Variants in EML4 observed in about 807,000 individuals in gnomAD.
EML4 encodes echinoderm microtubule-associated protein-like 4.
EML4 carries 72 observed loss-of-function variants against 129.0 expected under a neutral mutation model. That is an observed-to-expected ratio of 0.56 (90% confidence interval 0.46 to 0.68). The LOEUF is 0.68. Ranked by LOEUF, EML4 falls within the 30% of genes least tolerant of loss-of-function variation. The pLI is 0.00. For missense variants in EML4, 1,363 were observed against 1,190.6 expected, an observed-to-expected ratio of 1.14 and a Z score of -2.13; for synonymous variants, 532 against 405.0, an observed-to-expected ratio of 1.31 and a Z score of -3.77.
At chr2:42,223,127 T>A (rs1673723614) in intron 1 of EML4, among the ~76,000 whole-genome samples, 1 of 152,108 alleles carries the variant, frequency 6.6e-6, no homozygotes, top group Admixed American at 6.5e-5. Context: ...TTTTAATAGC[T>A]GCACAGATTC....
At chr2:42,247,751 A>G (rs2104313212) in intron 2 of EML4, among the ~76,000 whole-genome samples, 1 of 152,122 alleles carries the variant, frequency 6.6e-6, no homozygotes, top group African/African-American at 2.4e-5. Context: ...TTGGTTATGA[A>G]TTGATTTTTA....
chr2:42,284,130 GA>G (rs1667164082), intron 8 of EML4, among the ~76,000 whole-genome samples: 1 of 152,176 alleles, frequency 6.6e-6, no homozygotes, highest in Non-Finnish European at 1.5e-5. Context: ...CTAATTAAAA[GA>G]TTGAAAGCAC....
chr2:42,282,871 G>T lies in EML4; in HGVS notation c.840G>T (p.Pro280=). The change falls in exon 8 of 23, where the codon CCG becomes CCT. Residue 280 remains proline, a synonymous_variant. Transcript: ENST00000318522. ...KDCRANVYLL[P]TGKIVYFIAS... ...GTAGAGCTAATGTTTACCTTCTTCC[G>T]ACCGGGAAAATAGTTTATTTCATTG... The T allele has an allele frequency of 6.2e-7, 1 of 1,612,936 alleles. No homozygotes were observed. The highest frequency in any genetic ancestry group is 8.5e-7 in the Non-Finnish European group (1 of 1,179,090).
At chr2:42,251,866 C>G (rs1034632273) in intron 2 of EML4, among the ~76,000 whole-genome samples, 1 of 152,136 alleles carries the variant, frequency 6.6e-6, no homozygotes, top group African/African-American at 2.4e-5. Context: ...GTTTGTACTT[C>G]TCTTTTGGCA....
intron 1 of EML4, among the ~76,000 whole-genome samples, chr2:42,199,437 G>A (rs530423954): frequency 3.3e-5 from 5 of 152,286 alleles, no homozygotes; most frequent in African/African-American, 1.2e-4. Flanking sequence ...TGAATAATTA[G>A]GTTAGTTGTT....
At position 42,329,969 on chromosome 2, in the gene EML4, C is replaced by G. The variant is rs760718042; in HGVS notation, c.2708C>G (p.Ser903Cys). 6.2e-7 allele frequency: 1 copy of G among 1,613,982 alleles called. No homozygotes were observed. The highest frequency in any genetic ancestry group is 1.3e-5 in the African/African-American group (1 of 74,982). Residue 903 changes from serine to cysteine, a missense_variant, in exon 23 of 23, where the codon TCT becomes TGT. Transcript: ENST00000318522. ...IQSNTPTPPPSQPLNETAEEE... is the reference protein window; with the variant it reads ...IQSNTPTPPPCQPLNETAEEE... ...TCTAATACTCCCACACCGCCTCCTT[C>G]TCAGCCCTTAAATGAGACAGCTGAA...
chr2:42,199,366 A>G (rs995078430), intron 1 of EML4, among the ~76,000 whole-genome samples: 1 of 152,216 alleles, frequency 6.6e-6, no homozygotes. Context: ...TAAATTAGAT[A>G]GTAAGATCAA....
intron 2 of EML4, among the ~76,000 whole-genome samples, 173 bp from the exon 3 acceptor site, chr2:42,256,328 G>C (rs1558545734): frequency 6.6e-6 from 1 of 152,168 alleles, no homozygotes; most frequent in Non-Finnish European, 1.5e-5. Flanking sequence ...TAAGTCTTGA[G>C]ACAGTATCAT....
chr2:42,262,160 A>G (rs941774212), intron 4 of EML4, among the ~76,000 whole-genome samples: 38 of 152,172 alleles, frequency 2.5e-4, no homozygotes, highest in Non-Finnish European at 5.6e-4. Flanking sequence ...ACCATTCCTA[A>G]AAGATTTAAA....
At chr2:42,235,541 T>G (rs1311065272) in intron 1 of EML4, among the ~76,000 whole-genome samples, 2 of 152,162 alleles carry the variant, frequency 1.3e-5, no homozygotes, top group Admixed American at 1.3e-4. Context: ...CAACGTTAGC[T>G]TCTCTAATCT....
chr2:42,246,296 A>C (rs1675397436), intron 2 of EML4, among the ~76,000 whole-genome samples: 1 of 152,146 alleles, frequency 6.6e-6, no homozygotes, highest in Non-Finnish European at 1.5e-5. Flanking sequence ...CCACCAAGAA[A>C]GAATTTATTA....
At chr2:42,194,592 C>T (rs1394513758) in intron 1 of EML4, among the ~76,000 whole-genome samples, 1 of 151,638 alleles carries the variant, frequency 6.6e-6, no homozygotes, top group African/African-American at 2.4e-5. Context: ...TGATGCCCAA[C>T]CTCCACCTCT....
intron 17 of EML4, among the ~76,000 whole-genome samples, chr2:42,312,860 C>T (rs551069405): frequency 1.4e-5 from 2 of 146,276 alleles, no homozygotes; most frequent in South Asian, 2.2e-4. Flanking sequence ...GCCTGCCTGT[C>T]AGAAAACTTT....
At chr2:42,220,506 C>G (rs1161425850) in intron 1 of EML4, among the ~76,000 whole-genome samples, 1 of 152,110 alleles carries the variant, frequency 6.6e-6, no homozygotes, top group East Asian at 1.9e-4. Flanking sequence ...GTTGTGTGTT[C>G]TGACTGCTCC....
intron 19 of EML4, among the ~76,000 whole-genome samples, chr2:42,324,286 G>A (rs950730774): frequency 6.6e-6 from 1 of 151,978 alleles, no homozygotes; most frequent in Non-Finnish European, 1.5e-5. Flanking sequence ...CAGAGACTCT[G>A]TCTCAAAATA....
At chr2:42,297,550 A>T (rs201304069) in intron 13 of EML4, among the ~76,000 whole-genome samples, 3 of 152,212 alleles carry the variant, frequency 2.0e-5, no homozygotes, top group African/African-American at 7.2e-5. Context: ...GACTAACCCT[A>T]TTATGGGCAA....
At chr2:42,260,454 G>C (rs1191341962) in intron 3 of EML4, among the ~76,000 whole-genome samples, 1 of 152,192 alleles carries the variant, frequency 6.6e-6, no homozygotes, top group African/African-American at 2.4e-5. Context: ...GCGTGAGCCA[G>C]TGCGCCCAGC....
intron 17 of EML4, 84 bp from the exon 18 acceptor site, chr2:42,315,878 C>A: frequency 9.9e-7 from 1 of 1,006,330 alleles, no homozygotes; most frequent in South Asian, 1.4e-5. Context: ...AAGACTCCAT[C>A]TCAAAAAAAA....
At chr2:42,273,870 A>G (rs1470416236) in intron 6 of EML4, among the ~76,000 whole-genome samples, 2 of 152,192 alleles carry the variant, frequency 1.3e-5, no homozygotes, top group African/African-American at 4.8e-5. Flanking sequence ...GAAAGGGGGC[A>G]AAATCCAAAC....
Sources: allele counts gnomAD v4.1 joint callset (sites outside exome capture counted in the v4.1 genomes callset), GRCh38; gene constraint gnomAD v4.1.1; transcripts MANE v1.5; gene names NCBI Gene and HGNC (gene_info 2026-07-23, HGNC 2026-07-21).